Variants in DOCK4 observed in about 807,000 individuals in gnomAD.
DOCK4 encodes dedicator of cytokinesis protein 4.
DOCK4 carries 97 observed loss-of-function variants against 268.1 expected under a neutral mutation model. That is an observed-to-expected ratio of 0.36 (90% CI 0.31 to 0.43). The LOEUF (loss-of-function observed/expected upper bound fraction) is 0.43, where lower values mean the gene tolerates loss of function less well. Among genes scored for constraint, DOCK4 ranks in the 20% least tolerant of loss-of-function variants. The pLI is 1.00. For missense variants in DOCK4, 2,145 were observed against 2,455.7 expected (o/e 0.87, Z 2.67); for synonymous variants, 954 against 887.2 (o/e 1.08, Z -1.34).
chr7:111,771,022 A>G (rs1798093739), intron 36 of DOCK4, among the ~76,000 whole-genome samples: 1 of 152,206 alleles, frequency 6.6e-6, no homozygotes, highest in Non-Finnish European at 1.5e-5. Context: ...TTCCTAATCC[A>G]CCAGCAGTCT....
intron 39 of DOCK4, among the ~76,000 whole-genome samples, chr7:111,764,619 C>T (rs556645056): frequency 6.6e-6 from 1 of 152,238 alleles, no homozygotes; most frequent in Non-Finnish European, 1.5e-5. Context: ...AAAGTTTTCT[C>T]TTTGTAGAAA....
At chr7:111,760,828 G>C (rs186756636) in intron 39 of DOCK4, among the ~76,000 whole-genome samples, 71 of 149,940 alleles carry the variant, frequency 4.7e-4, no homozygotes, top group Non-Finnish European at 1.5e-4. Context: ...AATGGTGAAG[G>C]TTATTTCTGA....
intron 13 of DOCK4, among the ~76,000 whole-genome samples, chr7:111,909,305 T>C (rs1417319301): frequency 1.3e-5 from 2 of 152,256 alleles, no homozygotes; most frequent in Admixed American, 1.3e-4. Context: ...GCCGCATAAC[T>C]GTCTTCTTTT....
intron 5 of DOCK4, among the ~76,000 whole-genome samples, chr7:111,990,325 C>T (rs1799423028): frequency 6.6e-6 from 1 of 152,026 alleles, no homozygotes; most frequent in Non-Finnish European, 1.5e-5. Context: ...AAGTCTTTAC[C>T]CTTTGTCTTT....
chr7:111,737,272 G>GTT (rs1360866053), intron 49 of DOCK4, among the ~76,000 whole-genome samples: 1 of 152,104 alleles, frequency 6.6e-6, no homozygotes, highest in Non-Finnish European at 1.5e-5. Context: ...GTAAATAGCA[G>GTT]TTGTGCTATG....
At chr7:112,080,373 GATAA>G (rs1391555146) in intron 1 of DOCK4, among the ~76,000 whole-genome samples, 2 of 152,096 alleles carry the variant, frequency 1.3e-5, no homozygotes, top group African/African-American at 4.8e-5. Flanking sequence ...TATGTAAAAG[GATAA>G]ATGTTAACAA....
intron 31 of DOCK4, among the ~76,000 whole-genome samples, chr7:111,789,868 A>AGCAG (rs1336051900): frequency 6.6e-6 from 1 of 152,214 alleles, no homozygotes; most frequent in Non-Finnish European, 1.5e-5. Context: ...GCAGAGCAAA[A>AGCAG]GCAGTGAATT....
At chr7:112,096,995 G>A (rs903224871) in intron 1 of DOCK4, among the ~76,000 whole-genome samples, 13 of 152,298 alleles carry the variant, frequency 8.5e-5, no homozygotes, top group African/African-American at 2.6e-4. Context: ...AATGGAATGC[G>A]TATCAGATGG....
At position 111,831,100 on chromosome 7, in the gene DOCK4, C is replaced by T. The variant is rs150750444; in HGVS notation, c.2835+3488G>A. Among the ~76,000 whole-genome samples the T allele has an allele frequency of 7.0e-4, 106 of 152,244 alleles. 2 individuals are homozygous for T. The East Asian group carries it at 0.015, about 21-fold the overall frequency. On this transcript the variant is annotated intron_variant, in intron 26 of 52. Transcript: ENST00000428084. ...ACCCATCTCTCTCTCTCCTGAACTT[C>T]AGGCACAATTTACTAAACATCTCCA...
At chr7:111,764,524 T>C (rs1797650959) in intron 39 of DOCK4, among the ~76,000 whole-genome samples, 1 of 152,162 alleles carries the variant, frequency 6.6e-6, no homozygotes, top group Admixed American at 6.5e-5. Context: ...TATTCAAGCA[T>C]AGAAGACACT....
chr7:112,112,420 G>C (rs1563096015), intron 1 of DOCK4, among the ~76,000 whole-genome samples: 1 of 152,054 alleles, frequency 6.6e-6, no homozygotes, highest in Admixed American at 6.6e-5. Flanking sequence ...GAGGCGGGCA[G>C]ATCACAAGGT....
intron 1 of DOCK4, among the ~76,000 whole-genome samples, chr7:112,021,346 T>C (rs1802302314): frequency 6.6e-6 from 1 of 152,220 alleles, no homozygotes. Flanking sequence ...ACTAGGTATC[T>C]GTTCTCAAAG....
intron 11 of DOCK4, 25 bp from the exon 12 acceptor site, chr7:111,935,653 A>T: frequency 6.3e-7 from 1 of 1,594,426 alleles, no homozygotes; most frequent in Non-Finnish European, 8.6e-7. Flanking sequence ...ACACTCTGTT[A>T]AGCTTTAATG....
At chr7:112,028,921 A>T (rs1379402733) in intron 1 of DOCK4, among the ~76,000 whole-genome samples, 1 of 152,262 alleles carries the variant, frequency 6.6e-6, no homozygotes, top group Non-Finnish European at 1.5e-5. Context: ...TTATTTAAAC[A>T]TAATAATTAA....
intron 9 of DOCK4, 56 bp downstream of exon 9, chr7:111,945,661 T>C: frequency 7.1e-7 from 1 of 1,399,016 alleles, no homozygotes; most frequent in Non-Finnish European, 9.8e-7. Flanking sequence ...TTCTCCTAAA[T>C]AGTATGAATC....
At chr7:112,154,022 G>C (rs1816355621) in intron 1 of DOCK4, among the ~76,000 whole-genome samples, 2 of 152,056 alleles carry the variant, frequency 1.3e-5, no homozygotes, top group African/African-American at 4.8e-5. Context: ...CCCAGGCTGG[G>C]GTACAGTGGC....
At position 111,976,181 on chromosome 7, in the gene DOCK4, C is replaced by T. The variant is rs1456312253; in HGVS notation, c.701+951G>A. 2.4e-3 allele frequency among the ~76,000 whole-genome samples: 175 copies of T among 72,598 alleles called. 19 individuals carry two copies. Among genetic ancestry groups the T allele is most frequent in the African/African-American group, 0.011 (121 of 10,846 alleles). 47.6% of individuals were successfully genotyped at this position (72,598 alleles called of 152,430 possible). A position where few individuals can be genotyped will look rare whatever the true frequency, so the allele number is the denominator to read the frequency against. ...AAAAAAATATATATATATATATACA[C>T]ACACACACACGCACACACGCACATA... On this transcript the variant is annotated intron_variant, in intron 8 of 52. Transcript: ENST00000428084.
chr7:111,758,862 G>A, intron 40 of DOCK4, 72 bp from the exon 41 acceptor site: 1 of 1,433,046 alleles, frequency 7.0e-7, no homozygotes, highest in Non-Finnish European at 9.6e-7. Flanking sequence ...GCTGAGCTAT[G>A]GCAGAGAGAA....
intron 12 of DOCK4, among the ~76,000 whole-genome samples, chr7:111,933,141 T>TATATACACGTATATACAC: frequency 1.7e-5 from 1 of 60,094 alleles, no homozygotes; most frequent in Admixed American, 1.4e-4. Context: ...TATATACACA[T>TATATACACGTATATACAC]ATATATACGT....
Sources: gnomAD v4.1 joint callset for allele counts (sites outside exome capture counted in the v4.1 genomes callset) on GRCh38, gnomAD v4.1.1 for gene constraint, MANE v1.5 for transcripts, NCBI Gene and HGNC (gene_info 2026-07-23, HGNC 2026-07-21) for gene names.